IMMT: variants seen among roughly 807,000 people sequenced by gnomAD.
IMMT encodes the protein MICOS complex subunit MIC60.
IMMT carries 40 observed loss-of-function variants against 92.7 expected under a neutral mutation model. The ratio of observed to expected loss-of-function variants is 0.43; its 90% CI spans 0.34 to 0.56. IMMT has a LOEUF of 0.56. Ranked by LOEUF, IMMT falls within the 20% of genes least tolerant of loss-of-function variation. IMMT has a pLI of 0.03. For missense variants in IMMT, 831 were observed against 912.1 expected (o/e 0.91, Z 1.14); for synonymous variants, 322 against 336.1 (o/e 0.96, Z 0.46).
chr2:86,150,881 T>A (rs989536305), intron 12 of IMMT, among the ~76,000 whole-genome samples: 1 of 152,040 alleles, frequency 6.6e-6, no homozygotes, highest in African/African-American at 2.4e-5. Flanking sequence ...TCAGCTGGCA[T>A]GACTTATATT....
At chr2:86,186,121 C>T (rs563978635) in intron 1 of IMMT, among the ~76,000 whole-genome samples, 1 of 152,122 alleles carries the variant, frequency 6.6e-6, no homozygotes, top group African/African-American at 2.4e-5. Context: ...CTTTAGATCA[C>T]CAAAAAAAGT....
Position 86,144,212 on chromosome 2 carries a change from A to G in IMMT, c.*56T>C, listed in dbSNP as rs1342049479. On this transcript the variant is annotated 3_prime_UTR_variant, in exon 15 of 15. Transcript: ENST00000410111. ...GACTCTCGCTGCGAACCCTTCATCT[A>G]TCACTGCTGATTTCCTTTGACATGA... 2.5e-6 allele frequency: 4 copies of G among 1,592,984 alleles called. No individual in the cohort carries two copies. The highest frequency in any genetic ancestry group is 2.7e-5 in the African/African-American group (2 of 74,480).
intron 2 of IMMT, among the ~76,000 whole-genome samples, 184 bp from the exon 3 acceptor site, chr2:86,179,806 G>C (rs1054811935): frequency 2.0e-5 from 3 of 151,994 alleles, no homozygotes; most frequent in Non-Finnish European, 4.4e-5. Context: ...ATAACATGTT[G>C]CCACCAAAAA....
chr2:86,156,850 A>G (rs1573893012), intron 10 of IMMT, among the ~76,000 whole-genome samples: 1 of 152,182 alleles, frequency 6.6e-6, no homozygotes, highest in African/African-American at 2.4e-5. Context: ...TGTCAAATTT[A>G]TGCCAAGGAG....
Position 86,173,708 on chromosome 2 carries a change from A to G in IMMT, c.363T>C (p.Ser121=). The G allele has an allele frequency of 6.2e-7, 1 of 1,608,990 alleles. No individual in the cohort carries two copies. Among genetic ancestry groups the G allele is most frequent in the Admixed American group, 1.7e-5 (1 of 59,926 alleles). ...ISSVSEVMKE[S]KQPASQLQKQ... is the part of the protein sequence containing the mutation. ...TTTGGAGTTGTGAGGCAGGCTGTTT[A>G]GATTCTTTCATTACTTCTGATACAC... The change falls in exon 4 of 15, where the codon TCT becomes TCC. Residue 121 remains serine (S), a synonymous_variant. Coordinates refer to ENST00000410111, the MANE Select transcript of IMMT (RefSeq NM_006839.3).
Position 86,159,559 on chromosome 2 carries a change from C to T in IMMT, c.1009G>A (p.Asp337Asn). 6.2e-7 allele frequency: 1 copy of T among 1,608,488 alleles called. No homozygotes were observed. The highest frequency in any genetic ancestry group is 8.5e-7 in the Non-Finnish European group (1 of 1,176,152). ...AEGKLHNMIV[D>N]LDNVVKKVQA... ...ACCTTTTTGACCACATTATCCAGAT[C>T]AACTATCATGTTGTGAAGTTTACCC... Residue 337 changes from aspartate (D) to asparagine (N), a missense_variant, in exon 9 of 15, where the codon GAT becomes AAT. By Grantham distance (23) the Asp-to-Asn change is conservative (BLOSUM62 1). Coordinates refer to ENST00000410111, the MANE Select transcript of IMMT (RefSeq NM_006839.3).
chr2:86,167,824 A>C (rs1309651694), intron 6 of IMMT, among the ~76,000 whole-genome samples: 1 of 151,702 alleles, frequency 6.6e-6, no homozygotes, highest in African/African-American at 2.4e-5. Context: ...CAAAATAAAA[A>C]GTGTTTTTTT....
chr2:86,144,946 C>A (rs1173311364), intron 14 of IMMT, 65 bp from the exon 15 acceptor site: 2 of 1,506,818 alleles, frequency 1.3e-6, no homozygotes, highest in Admixed American at 2.2e-5. Context: ...ATCCACAGAA[C>A]TGATGCACAT....
intron 12 of IMMT, among the ~76,000 whole-genome samples, chr2:86,148,211 T>C (rs974850330): frequency 2.0e-5 from 3 of 152,244 alleles, no homozygotes; most frequent in African/African-American, 7.2e-5. Flanking sequence ...GAATCAAGCG[T>C]AGCTTTACTA....
chr2:86,192,259 TTC>T (rs1673181888), intron 1 of IMMT, among the ~76,000 whole-genome samples: 1 of 152,116 alleles, frequency 6.6e-6, no homozygotes, highest in African/African-American at 2.4e-5. Flanking sequence ...CCCTTATTGT[TTC>T]TGTTTCTCTG....
At chr2:86,181,155 C>A in intron 2 of IMMT, 144 bp downstream of exon 2, 3 of 572,418 alleles carry the variant, frequency 5.2e-6, no homozygotes, top group East Asian at 2.8e-5. Context: ...CAGAAGGTAC[C>A]CCAATAATGT....
intron 7 of IMMT, among the ~76,000 whole-genome samples, chr2:86,162,583 C>A (rs1425872236): frequency 1.3e-5 from 2 of 151,814 alleles, no homozygotes; most frequent in African/African-American, 2.4e-5. Context: ...CAGTGGCTCA[C>A]GCCTATAATC....
chr2:86,189,957 G>A (rs566294403), intron 1 of IMMT, among the ~76,000 whole-genome samples: 1 of 152,274 alleles, frequency 6.6e-6, no homozygotes, highest in East Asian at 1.9e-4. Flanking sequence ...AGGAGAACAC[G>A]TGCTCTTTAG....
At chr2:86,159,311 C>T (rs1676092240) in intron 9 of IMMT, 2 of 576,174 alleles carry the variant, frequency 3.5e-6, no homozygotes, top group Non-Finnish European at 6.3e-6. Flanking sequence ...TCTCAAACTC[C>T]TGGGCTCAAG....
intron 12 of IMMT, among the ~76,000 whole-genome samples, chr2:86,148,050 A>AT (rs1675167088): frequency 1.3e-5 from 2 of 152,208 alleles, no homozygotes; most frequent in Admixed American, 6.5e-5. Context: ...CAAAAACCAG[A>AT]TTTCAAACAA....
chr2:86,184,917 G>A lies in IMMT; in HGVS notation c.46-3545C>T, dbSNP rs988781167. Among the ~76,000 whole-genome samples, 8 of 152,294 alleles carry A rather than the reference G, an allele frequency of 5.3e-5. No individual in the cohort carries two copies. The South Asian group carries it at 1.5e-3, about 28-fold the overall frequency. On this transcript the variant is annotated intron_variant, in intron 1 of 14. Transcript: ENST00000410111. ...AAAGAGTTCCAAGTAGGCCAGGCGC[G>A]ATGGCTTACGCCTGTAATCCCAGCA...
intron 1 of IMMT, among the ~76,000 whole-genome samples, chr2:86,185,011 AC>A (rs1197745604): frequency 6.6e-6 from 1 of 152,004 alleles, no homozygotes; most frequent in African/African-American, 2.4e-5. Context: ...ACATGGTGAA[AC>A]CCCGTCTCTA....
In IMMT at chr2:86,161,623, C is replaced by T. The variant is rs149979385; in HGVS notation, c.896+353G>A. On this transcript the variant is annotated intron_variant, in intron 8 of 14. Transcript: ENST00000410111. ...CCGCCTCCTGGGTTGAGGTGATTCT[C>T]CTGCCTCAGCCTCTCGAGTAGCTGG... Among the ~76,000 whole-genome samples the T allele has an allele frequency of 1.1e-4, 16 of 150,878 alleles. No homozygotes were observed. In the South Asian group the frequency reaches 2.9e-3, roughly 28 times the overall value.
chr2:86,153,724 C>T (rs1047138912), intron 10 of IMMT, 150 bp from the exon 11 acceptor site: 44 of 459,476 alleles, frequency 9.6e-5, no homozygotes, highest in African/African-American at 1.4e-4. Flanking sequence ...TGAAATGATA[C>T]GGCTATTTTC....
Sources: gnomAD v4.1 joint callset for allele counts (sites outside exome capture counted in the v4.1 genomes callset) on GRCh38, gnomAD v4.1.1 for gene constraint, MANE v1.5 for transcripts, NCBI Gene and HGNC (gene_info 2026-07-23, HGNC 2026-07-21) for gene names.